Variants in LY86 observed in about 807,000 individuals in gnomAD.
LY86 encodes the protein MD-1, RP105-associated.
A neutral mutation model predicts 17.3 loss-of-function variants in LY86; 20 were observed. The observed-to-expected ratio is 1.15, with a 90% confidence interval of 0.81 to 1.68. The LOEUF (loss-of-function observed/expected upper bound fraction) is 1.68, where lower values mean the gene tolerates loss of function less well. Among genes scored for constraint, LY86 ranks in the 40% most tolerant of loss-of-function variants. The pLI, the probability that LY86 is intolerant of heterozygous loss-of-function variation, is 0.00. For missense variants in LY86, 200 were observed against 191.9 expected (o/e 1.04, Z -0.25); for synonymous variants, 74 against 70.6 (o/e 1.05, Z -0.24).
chr6:6,607,479 A>G (rs998089066), intron 1 of LY86, among the ~76,000 whole-genome samples: 3 of 152,220 alleles, frequency 2.0e-5, no homozygotes, highest in African/African-American at 7.2e-5. Context: ...TTTCCAAACT[A>G]TAAACAAAAC....
intron 1 of LY86, among the ~76,000 whole-genome samples, chr6:6,617,621 T>G (rs576977305): frequency 6.6e-6 from 1 of 152,286 alleles, no homozygotes; most frequent in Admixed American, 6.5e-5. Flanking sequence ...CCTAATCCCC[T>G]TCCTATCACA....
In LY86 at chr6:6,606,670, A is replaced by G. The variant is rs1371269232; in HGVS notation, c.136+17800A>G. The stretch of plus-strand genomic sequence containing the variant: ...AATTGAGCACAGCAGCTACTGGCCC[A>G]GGTGCTAAGCCCCTCACTACCCGGG... On this transcript the variant is annotated intron_variant, in intron 1 of 4. Coordinates refer to ENST00000230568, the MANE Select transcript of LY86 (RefSeq NM_004271.4). 5.3e-5 allele frequency among the ~76,000 whole-genome samples: 8 copies of G among 152,332 alleles called. No individual in the cohort carries two copies. The South Asian group carries it at 6.2e-4, about 12-fold the overall frequency.
chr6:6,604,111 G>A (rs932775817), intron 1 of LY86, among the ~76,000 whole-genome samples: 1 of 152,062 alleles, frequency 6.6e-6, no homozygotes, highest in Non-Finnish European at 1.5e-5. Context: ...AGGCATATAG[G>A]CAGAAGGAAA....
chr6:6,605,939 G>A (rs1481971770), intron 1 of LY86, among the ~76,000 whole-genome samples: 3 of 152,116 alleles, frequency 2.0e-5, no homozygotes, highest in African/African-American at 7.2e-5. Flanking sequence ...TCACAGTATG[G>A]GTTATAACTC....
At chr6:6,612,520 A>G (rs879289248) in intron 1 of LY86, among the ~76,000 whole-genome samples, 8 of 151,858 alleles carry the variant, frequency 5.3e-5, no homozygotes, top group Admixed American at 1.3e-4. Flanking sequence ...AAAAAGCAAA[A>G]GAACAAACCA....
intron 3 of LY86, among the ~76,000 whole-genome samples, chr6:6,636,571 T>C (rs186824768): frequency 5.9e-5 from 9 of 152,286 alleles, no homozygotes; most frequent in African/African-American, 1.9e-4. Context: ...TTTAAGACCT[T>C]TTCCTTACAG....
chr6:6,613,552 G>A (rs987432206), intron 1 of LY86, among the ~76,000 whole-genome samples: 2 of 152,120 alleles, frequency 1.3e-5, no homozygotes, highest in African/African-American at 2.4e-5. Flanking sequence ...TGCGGGGCCC[G>A]CCGATCCCAC....
At chr6:6,602,975 C>A (rs963103948) in intron 1 of LY86, among the ~76,000 whole-genome samples, 1 of 152,130 alleles carries the variant, frequency 6.6e-6, no homozygotes, top group African/African-American at 2.4e-5. Flanking sequence ...TCATAAACAA[C>A]AGAAATTCAT....
intron 1 of LY86, among the ~76,000 whole-genome samples, chr6:6,606,836 C>T (rs9504870): frequency 0.08 from 12,159 of 152,326 alleles, 1,078 homozygotes; most frequent in African/African-American, 0.22. Context: ...GCTGAGGGAG[C>T]GGGCTCCGGC....
rs74839342 is a variant in LY86, at chr6:6,631,556, C to T, written c.352+5135C>T. On this transcript the variant is annotated intron_variant, in intron 3 of 4. Coordinates refer to ENST00000230568, the MANE Select transcript of LY86 (RefSeq NM_004271.4). The stretch of plus-strand genomic sequence containing the variant: ...CAAAGTGTGGTCCTCAGACCAGCAA[C>T]ATCAGCATCATCTAGGAAATTATTA... 0.013 allele frequency among the ~76,000 whole-genome samples: 1,930 copies of T among 152,324 alleles called. 94 individuals carry two copies. In the South Asian group the frequency reaches 0.13, roughly 10 times the overall value.
At chr6:6,649,204 C>A (rs1986072) in intron 3 of LY86, among the ~76,000 whole-genome samples, 89,719 of 152,020 alleles carry the variant, frequency 0.59, 27,229 homozygotes, top group African/African-American at 0.71. Flanking sequence ...AGATCTCATG[C>A]GACTTATTCA....
chr6:6,614,379 T>C (rs1274003484), intron 1 of LY86, among the ~76,000 whole-genome samples: 21 of 73,768 alleles, frequency 2.8e-4, no homozygotes, highest in African/African-American at 8.4e-4. Context: ...TCACGTCTCT[T>C]TTTTTTTTTT....
At chr6:6,623,448 G>GC (rs1490660822) in intron 1 of LY86, among the ~76,000 whole-genome samples, 1 of 152,222 alleles carries the variant, frequency 6.6e-6, no homozygotes, top group Non-Finnish European at 1.5e-5. Flanking sequence ...GACACTCCCA[G>GC]CAAGTACTCA....
intron 4 of LY86, 23 bp from the exon 5 acceptor site, chr6:6,654,521 T>C (rs780238197): frequency 6.3e-7 from 1 of 1,582,188 alleles, no homozygotes; most frequent in Middle Eastern, 1.7e-4. Context: ...ACACGTCTAA[T>C]ACTTGACCTG....
At chr6:6,612,133 C>T (rs999091094) in intron 1 of LY86, among the ~76,000 whole-genome samples, 6 of 152,084 alleles carry the variant, frequency 3.9e-5, no homozygotes, top group Admixed American at 1.3e-4. Context: ...AGCTCAACAA[C>T]TCCTAAGATT....
intron 1 of LY86, among the ~76,000 whole-genome samples, chr6:6,612,094 C>T (rs1170222949): frequency 6.6e-6 from 1 of 152,092 alleles, no homozygotes. Context: ...TGAGAAGATC[C>T]AAAAGCAAGC....
chr6:6,654,780 C>T lies in LY86; in HGVS notation c.*153C>T. On this transcript the variant is annotated 3_prime_UTR_variant, in exon 5 of 5. Coordinates refer to ENST00000230568, the MANE Select transcript of LY86 (RefSeq NM_004271.4). ...AGAGTGCAGCTGCTAATTTTAGTCC[C>T]AGGACCAGACATCCCCAGACTCCAC... 1 of 625,720 alleles carries T rather than the reference C, an allele frequency of 1.6e-6. No homozygotes were observed. Among genetic ancestry groups the T allele is most frequent in the Admixed American group, 2.9e-5 (1 of 35,042 alleles). The allele number at this position is 625,720 out of a possible 1,614,324, so 38.8% of individuals were successfully genotyped here.
At chr6:6,592,421 T>C (rs561911977) in intron 1 of LY86, among the ~76,000 whole-genome samples, 1 of 152,118 alleles carries the variant, frequency 6.6e-6, no homozygotes, top group Admixed American at 6.5e-5. Context: ...CCCACCGATA[T>C]ATTTATTTAT....
At chr6:6,653,274 C>T (rs981193787) in intron 4 of LY86, among the ~76,000 whole-genome samples, 6 of 152,174 alleles carry the variant, frequency 3.9e-5, no homozygotes, top group African/African-American at 1.4e-4. Context: ...CATGCAGCTT[C>T]TCTCCGGTGG....
Sources: gnomAD v4.1 joint callset for allele counts (sites outside exome capture counted in the v4.1 genomes callset) on GRCh38, gnomAD v4.1.1 for gene constraint, MANE v1.5 for transcripts, NCBI Gene and HGNC (gene_info 2026-07-23, HGNC 2026-07-21) for gene names.